NOVA1: variants seen among roughly 807,000 people sequenced by gnomAD.
NOVA1 encodes the protein NOVA alternative splicing regulator 1, also known as RNA-binding protein Nova-1.
A neutral mutation model predicts 38.0 loss-of-function variants in NOVA1; 7 were observed. The observed-to-expected ratio is 0.18, with a 90% CI of 0.10 to 0.35. The LOEUF (loss-of-function observed/expected upper bound fraction) is 0.35. Ranked by LOEUF, NOVA1 falls within the 10% of genes least tolerant of loss-of-function variation. The pLI, the probability that NOVA1 is intolerant of heterozygous loss-of-function variation, is 1.00. For missense variants in NOVA1, 460 were observed against 616.0 expected (o/e 0.75, Z 2.68); for synonymous variants, 270 against 232.5 (o/e 1.16, Z -1.47).
At chr14:26,540,968 A>G (rs1870283960) in intron 2 of NOVA1, among the ~76,000 whole-genome samples, 1 of 152,198 alleles carries the variant, frequency 6.6e-6, no homozygotes, top group African/African-American at 2.4e-5. Flanking sequence ...AGTTTTATCA[A>G]CAGAGATAGA....
rs1429332475 is a variant in NOVA1 at position 26,530,628 on chromosome 14, T to C, written c.281-50485A>G. Among the ~76,000 whole-genome samples the C allele has an allele frequency of 5.9e-5, 9 of 152,132 alleles. No homozygotes were observed. The East Asian group carries it at 1.7e-3, about 29-fold the overall frequency. On this transcript the variant is annotated intron_variant, in intron 2 of 4. Coordinates refer to ENST00000539517, the MANE Select transcript of NOVA1 (RefSeq NM_002515.3). ...ACTGTTCTTGAACTTTTCAAAAAAG[T>C]ATTCAGGAATTATCCATGCAAACAA...
chr14:26,499,198 C>T (rs899639769), intron 2 of NOVA1, among the ~76,000 whole-genome samples: 14 of 152,076 alleles, frequency 9.2e-5, no homozygotes, highest in Non-Finnish European at 1.8e-4. Flanking sequence ...AAATGAGTAA[C>T]TATGAGAAAT....
chr14:26,512,690 A>G (rs1278439252), intron 2 of NOVA1, among the ~76,000 whole-genome samples: 1 of 152,136 alleles, frequency 6.6e-6, no homozygotes, highest in African/African-American at 2.4e-5. Context: ...ATAATAAATA[A>G]ATTTTGCAAT....
At chr14:26,571,660 T>C (rs1267070871) in intron 2 of NOVA1, among the ~76,000 whole-genome samples, 1 of 152,184 alleles carries the variant, frequency 6.6e-6, no homozygotes, top group Non-Finnish European at 1.5e-5. Context: ...AGGTTTTAAC[T>C]GTGTAGTAGA....
intron 2 of NOVA1, among the ~76,000 whole-genome samples, chr14:26,488,735 A>G (rs1194912809): frequency 6.6e-6 from 1 of 152,122 alleles, no homozygotes; most frequent in Admixed American, 6.6e-5. Flanking sequence ...TTAAAGTGCA[A>G]TTACATTTTA....
intron 2 of NOVA1, among the ~76,000 whole-genome samples, chr14:26,578,061 G>A: frequency 6.6e-6 from 1 of 151,622 alleles, no homozygotes. Context: ...TGTACCAGAA[G>A]CAAAATGAAA....
At chr14:26,560,486 C>T (rs1228152231) in intron 2 of NOVA1, among the ~76,000 whole-genome samples, 3 of 151,992 alleles carry the variant, frequency 2.0e-5, no homozygotes, top group Non-Finnish European at 4.4e-5. Flanking sequence ...AAAATTGCCT[C>T]GTTTTGAGAT....
At position 26,586,075 on chromosome 14, in the gene NOVA1, A is replaced by T. The variant is rs550849385; in HGVS notation, c.280+9335T>A. Among the ~76,000 whole-genome samples the T allele has an allele frequency of 3.1e-4, 47 of 151,486 alleles. 1 individual carries two copies. Among genetic ancestry groups the T allele is most frequent in the Admixed American group, 2.6e-3 (39 of 15,172 alleles). ...AACAATTGCGCTGTATGTTAAACAC[A>T]CAGCAGGCAAGAAGGATGCCATAAA... On this transcript the variant is annotated intron_variant, in intron 2 of 4. Transcript: ENST00000539517.
At chr14:26,564,273 C>G (rs140747283) in intron 2 of NOVA1, among the ~76,000 whole-genome samples, 1 of 152,104 alleles carries the variant, frequency 6.6e-6, no homozygotes, top group Admixed American at 6.6e-5. Flanking sequence ...TTGTAGCTAA[C>G]GGTACTAACA....
chr14:26,478,044 C>G (rs182007423), intron 3 of NOVA1, among the ~76,000 whole-genome samples: 3 of 151,818 alleles, frequency 2.0e-5, no homozygotes, highest in East Asian at 3.9e-4. Flanking sequence ...TCCATGAATA[C>G]CTACAAGTCT....
chr14:26,568,377 C>T (rs908394721), intron 2 of NOVA1: 1 of 152,152 alleles, frequency 6.6e-6, no homozygotes, highest in Non-Finnish European at 1.5e-5. Flanking sequence ...GACTTGAGTA[C>T]ACATCAACCT....
intron 2 of NOVA1, among the ~76,000 whole-genome samples, chr14:26,583,547 T>C (rs1893343137): frequency 6.6e-6 from 1 of 151,540 alleles, no homozygotes; most frequent in Non-Finnish European, 1.5e-5. Flanking sequence ...TTTTTTAATG[T>C]TTCTCTACAC....
chr14:26,543,916 T>C (rs1890623265), intron 2 of NOVA1, among the ~76,000 whole-genome samples: 1 of 151,674 alleles, frequency 6.6e-6, no homozygotes, highest in Admixed American at 6.6e-5. Flanking sequence ...TATAAACATA[T>C]ACTGAGGGAA....
At chr14:26,520,759 G>A (rs563380082) in intron 2 of NOVA1, among the ~76,000 whole-genome samples, 20 of 152,134 alleles carry the variant, frequency 1.3e-4, no homozygotes, top group African/African-American at 4.8e-4. Flanking sequence ...AATGAAGATC[G>A]ACTGAATTTA....
Position 26,445,436 on chromosome 14 carries a change from T to C in NOVA1, c.*2523A>G, listed in dbSNP as rs891399563. Reference sequence around the variant, plus strand: ...GTAATATCTTCAATTTAGCTTTCAGTTTTAACTAACATATAACCATGCTAA... The same window carrying C: ...GTAATATCTTCAATTTAGCTTTCAGCTTTAACTAACATATAACCATGCTAA... On this transcript the variant is annotated 3_prime_UTR_variant, in exon 5 of 5. Transcript: ENST00000539517. 2.6e-5 allele frequency: 4 copies of C among 152,176 alleles called. No individual in the cohort carries two copies. The highest frequency in any genetic ancestry group is 5.9e-5 in the Non-Finnish European group (4 of 68,028). The allele number at this position is 152,176 out of a possible 1,614,324, so 9.4% of individuals were successfully genotyped here. A position where few individuals can be genotyped will look rare whatever the true frequency, so the allele number is the denominator to read the frequency against.
At chr14:26,450,069 T>A (rs1882520121) in intron 4 of NOVA1, among the ~76,000 whole-genome samples, 1 of 152,138 alleles carries the variant, frequency 6.6e-6, no homozygotes, top group South Asian at 2.1e-4. Context: ...TCAAAACTTG[T>A]GATTGTTGTG....
At chr14:26,508,970 GA>G (rs1432136149) in intron 2 of NOVA1, among the ~76,000 whole-genome samples, 2 of 151,718 alleles carry the variant, frequency 1.3e-5, no homozygotes, top group East Asian at 1.9e-4. Context: ...ATAAAGGAAA[GA>G]AAAAAAGCAA....
intron 3 of NOVA1, among the ~76,000 whole-genome samples, chr14:26,473,072 T>A (rs1884714571): frequency 6.6e-6 from 1 of 151,888 alleles, no homozygotes; most frequent in Admixed American, 6.6e-5. Flanking sequence ...ATATTTTTAT[T>A]ATTTATCTTA....
intron 2 of NOVA1, among the ~76,000 whole-genome samples, chr14:26,587,410 T>C (rs1016785035): frequency 3.3e-5 from 5 of 150,826 alleles, no homozygotes; most frequent in Admixed American, 6.6e-5. Flanking sequence ...AAAAGATACA[T>C]TGTAATAATT....
Sources: gnomAD v4.1 joint callset for allele counts (sites outside exome capture counted in the v4.1 genomes callset) on GRCh38, gnomAD v4.1.1 for gene constraint, MANE v1.5 for transcripts, NCBI Gene and HGNC (gene_info 2026-07-23, HGNC 2026-07-21) for gene names.